The following CRYL1 variants were observed in gnomAD, a reference collection of about 807,000 sequenced individuals.
CRYL1 encodes the protein crystallin lambda 1.
CRYL1 carries 29 observed loss-of-function variants against 36.6 expected under a neutral mutation model. The observed-to-expected ratio is 0.79, with a 90% CI of 0.59 to 1.08. CRYL1 has a LOEUF of 1.08. Ranked by LOEUF, CRYL1 falls within the 50% of genes least tolerant of loss-of-function variation. The probability of loss-of-function intolerance (pLI) is 0.00; values close to 1 mark genes in which losing one functional copy is unlikely to be tolerated. For synonymous variants in CRYL1, 152 were observed against 151.5 expected, an observed-to-expected ratio of 1.00 and a Z score of -0.02; for missense variants, 411 against 407.9, an observed-to-expected ratio of 1.01 and a Z score of -0.06.
Position 20,411,515 on chromosome 13 carries a change from T to C in CRYL1, c.739+1767A>G, listed in dbSNP as rs117208895. Among the ~76,000 whole-genome samples, 1,315 of 152,332 alleles carry C rather than the reference T, an allele frequency of 8.6e-3. 13 individuals are homozygous for C. Among genetic ancestry groups the C allele is most frequent in the African/African-American group, 0.03 (1,246 of 41,562 alleles). On this transcript the variant is annotated intron_variant, in intron 6 of 7. Coordinates refer to ENST00000298248, the MANE Select transcript of CRYL1 (RefSeq NM_015974.3). Reference sequence around the variant, plus strand: ...AAGGGAGAAAGAAAAACACAGTGGTTATCAGGCAGCGTCTGTATACATTTC... The same window carrying C: ...AAGGGAGAAAGAAAAACACAGTGGTCATCAGGCAGCGTCTGTATACATTTC...
In CRYL1 at chr13:20,415,403, C is replaced by T. The variant is rs2031635730; in HGVS notation, c.634-2016G>A. On this transcript the variant is annotated intron_variant, in intron 5 of 7. Coordinates refer to ENST00000298248, the MANE Select transcript of CRYL1 (RefSeq NM_015974.3). The surrounding 1 kb of genome is among the most constrained non-coding windows in gnomAD (Gnocchi z 4.1). ...CCCCGCAACCGGCTGCGGCGGGCGA[C>T]AGCCAGGTGCCTCAGGTCCGTGTGC... is the stretch of plus-strand genomic sequence containing the variant. Among the ~76,000 whole-genome samples the T allele has an allele frequency of 2.0e-5, 3 of 152,138 alleles. No homozygotes were observed. Among genetic ancestry groups the T allele is most frequent in the African/African-American group, 7.2e-5 (3 of 41,442 alleles).
In CRYL1 at chr13:20,458,033, G is replaced by T. The variant is rs188948631; in HGVS notation, c.277-18279C>A. 1.9e-3 allele frequency among the ~76,000 whole-genome samples: 286 copies of T among 152,194 alleles called. 7 individuals carry two copies. The Middle Eastern group carries it at 0.031, about 16-fold the overall frequency. ...TTTGCACAGAGTTATCAAAAAAATT[G>T]GTTCTATTCATTTACCAGCCAACCA... On this transcript the variant is annotated intron_variant, in intron 3 of 7. Coordinates refer to ENST00000298248, the MANE Select transcript of CRYL1 (RefSeq NM_015974.3).
chr13:20,447,524 C>T (rs9552185), intron 3 of CRYL1, among the ~76,000 whole-genome samples: 1 of 152,084 alleles, frequency 6.6e-6, no homozygotes, highest in East Asian at 1.9e-4. Context: ...ACCACCCCCC[C>T]TCCCTAGGCT....
chr13:20,458,078 C>A (rs1040456356), intron 3 of CRYL1, among the ~76,000 whole-genome samples: 6 of 152,168 alleles, frequency 3.9e-5, no homozygotes, highest in Non-Finnish European at 7.3e-5. Context: ...AGCCACATCA[C>A]CAAATAGGTC....
Position 20,489,510 on chromosome 13 carries a change from G to A in CRYL1, c.150-14C>T. On this transcript the variant is annotated splice_polypyrimidine_tract_variant and intron_variant, in intron 2 of 7. Coordinates refer to ENST00000298248, the MANE Select transcript of CRYL1 (RefSeq NM_015974.3). ...TTCATCTCCTTTCTGGAAAGGCAGA[G>A]AGAAGGATCACTGTGAGTATTCAAC... 6.2e-7 allele frequency: 1 copy of A among 1,612,022 alleles called. No homozygotes were observed. The highest frequency in any genetic ancestry group is 1.1e-5 in the South Asian group (1 of 91,088).
chr13:20,512,545 ACTCCACT>A lies in CRYL1; in HGVS notation c.42-2_46del. The A allele has an allele frequency of 6.2e-7, 1 of 1,611,798 alleles. No individual in the cohort carries two copies. Among genetic ancestry groups the A allele is most frequent in the Non-Finnish European group, 8.5e-7 (1 of 1,178,132 alleles). ...CAGCATGGCCCAGCTTCGCCCAATG[ACTCCACT>A]GAAGGGAGATAAAAGAAAGGATTCG... On this transcript the variant is annotated splice_acceptor_variant and coding_sequence_variant, in exon 2 of 8. Coordinates refer to ENST00000298248, the MANE Select transcript of CRYL1 (RefSeq NM_015974.3). LOFTEE classifies it high-confidence loss of function.
intron 3 of CRYL1, among the ~76,000 whole-genome samples, chr13:20,441,699 G>A (rs1043507278): frequency 6.6e-6 from 1 of 152,156 alleles, no homozygotes; most frequent in African/African-American, 2.4e-5. Context: ...AAAAATAAAT[G>A]TTTTCAAGTT....
At chr13:20,420,680 G>T (rs2031778838) in intron 5 of CRYL1, among the ~76,000 whole-genome samples, 6 of 116,616 alleles carry the variant, frequency 5.1e-5, no homozygotes, top group Non-Finnish European at 9.3e-5. Context: ...TTTTCCCTTT[G>T]ACTTTTCTTT....
chr13:20,428,359 C>G (rs992749408), intron 5 of CRYL1, among the ~76,000 whole-genome samples: 1 of 152,184 alleles, frequency 6.6e-6, no homozygotes, highest in Non-Finnish European at 1.5e-5. Flanking sequence ...CATCCAAAAT[C>G]TGAAATATTT....
In CRYL1 at chr13:20,439,641, C is replaced by G; in HGVS notation, c.390G>C (p.Lys130Asn). The change falls in exon 4 of 8, where the codon AAG becomes AAC. Residue 130 changes from lysine (K) to asparagine (N), a missense_variant. Transcript: ENST00000298248. ...TCACATGGACCAAGCCAGCAAACAA[C>G]TTGGAAGGCATGAGACAAGAAGTGG... ...SSSTSCLMPS[K>N]LFAGLVHVKQ... is the part of the protein sequence containing the mutation. 1 of 1,613,536 alleles carries G rather than the reference C, an allele frequency of 6.2e-7. No homozygotes were observed. The highest frequency in any genetic ancestry group is 8.5e-7 in the Non-Finnish European group (1 of 1,179,934).
intron 1 of CRYL1, among the ~76,000 whole-genome samples, chr13:20,514,795 C>A (rs2033972563): frequency 6.6e-6 from 1 of 151,856 alleles, no homozygotes; most frequent in African/African-American, 2.4e-5. Flanking sequence ...ACTATCTCCA[C>A]AATTTTTCTG....
chr13:20,487,342 T>C (rs2137469855), intron 3 of CRYL1, among the ~76,000 whole-genome samples: 1 of 152,244 alleles, frequency 6.6e-6, no homozygotes, highest in East Asian at 1.9e-4. Context: ...GAATTAGTCT[T>C]TGAGGCTGGG....
intron 5 of CRYL1, among the ~76,000 whole-genome samples, chr13:20,423,442 T>C (rs1454044420): frequency 2.0e-5 from 3 of 152,196 alleles, no homozygotes; most frequent in Non-Finnish European, 4.4e-5. Flanking sequence ...ACTTCTTCTA[T>C]ATCTAATTTG....
intron 3 of CRYL1, among the ~76,000 whole-genome samples, chr13:20,472,366 T>C (rs1176775177): frequency 1.3e-5 from 2 of 152,162 alleles, no homozygotes; most frequent in Non-Finnish European, 2.9e-5. Flanking sequence ...TTGCCAAATA[T>C]TTTCAAGTCG....
intron 3 of CRYL1, among the ~76,000 whole-genome samples, chr13:20,480,983 C>CA (rs548873555): frequency 1.6e-4 from 24 of 150,490 alleles, no homozygotes; most frequent in African/African-American, 3.4e-4. Flanking sequence ...ATACATACTA[C>CA]AAAAAAAAAG....
chr13:20,438,449 T>C (rs989699969), intron 4 of CRYL1, among the ~76,000 whole-genome samples: 1 of 152,218 alleles, frequency 6.6e-6, no homozygotes, highest in Non-Finnish European at 1.5e-5. Context: ...ACTGCTGCTC[T>C]GGACCCAAGC....
At position 20,474,338 on chromosome 13, in the gene CRYL1, C is replaced by T. The variant is rs143675677; in HGVS notation, c.276+15032G>A. Among the ~76,000 whole-genome samples, 193 of 152,282 alleles carry T rather than the reference C, an allele frequency of 1.3e-3. 1 individual carries two copies. Among genetic ancestry groups the T allele is most frequent in the Middle Eastern group, 6.8e-3 (2 of 294 alleles). On this transcript the variant is annotated intron_variant, in intron 3 of 7. Transcript: ENST00000298248. ...GCTCTCACGCCCACCTGCCCTGTCC[C>T]GTCCCCAGCCGTTGCTGCATAGGGA... is the stretch of plus-strand genomic sequence containing the variant.
chr13:20,470,531 G>C (rs2033031428), intron 3 of CRYL1, among the ~76,000 whole-genome samples: 1 of 152,196 alleles, frequency 6.6e-6, no homozygotes, highest in Non-Finnish European at 1.5e-5. Context: ...GATGAGAACA[G>C]AAAGGAAGGG....
intron 2 of CRYL1, among the ~76,000 whole-genome samples, chr13:20,501,605 G>T (rs2033705500): frequency 1.3e-5 from 2 of 152,194 alleles, no homozygotes; most frequent in African/African-American, 4.8e-5. Context: ...GAAGAATGGG[G>T]CAGACATGGA....
Sources: gnomAD v4.1 joint callset for allele counts (sites outside exome capture counted in the v4.1 genomes callset) on GRCh38, gnomAD v4.1.1 for gene constraint, Gnocchi (gnomAD v3.1) non-coding constraint, MANE v1.5 for transcripts, NCBI Gene and HGNC (gene_info 2026-07-23, HGNC 2026-07-21) for gene names.